Variants in ERCC6 observed in about 807,000 individuals in gnomAD.
ERCC6 encodes the protein DNA excision repair protein ERCC-6.
A neutral mutation model predicts 158.7 loss-of-function variants in ERCC6; 116 were observed. The ratio of observed to expected loss-of-function variants is 0.73; its 90% confidence interval spans 0.63 to 0.85. The LOEUF is 0.85. Ranked by LOEUF, ERCC6 falls within the 40% of genes least tolerant of loss-of-function variation. The pLI is 0.00. For missense variants in ERCC6, 1,698 were observed against 1,799.4 expected (o/e 0.94, Z 1.02); for synonymous variants, 678 against 659.3 (o/e 1.03, Z -0.43).
intron 6 of ERCC6, chr10:49,501,669 G>T (rs763159056): frequency 2.0e-5 from 3 of 152,030 alleles, no homozygotes; most frequent in Non-Finnish European, 4.4e-5. Context: ...ATTAAAAGAT[G>T]ATAGGTTAGA....
chr10:49,435,770 G>A, the ERCC6 span, among the ~76,000 whole-genome samples: 6 of 152,094 alleles, frequency 3.9e-5, no homozygotes, highest in Admixed American at 6.5e-5. Context: ...AGGCTGAGGC[G>A]GGTGGATCAC....
the ERCC6 span, among the ~76,000 whole-genome samples, chr10:49,440,486 G>A: frequency 2.0e-5 from 3 of 152,176 alleles, no homozygotes; most frequent in Non-Finnish European, 4.4e-5. Flanking sequence ...TGGGGGCACA[G>A]CCACACCACA....
At chr10:49,492,263 GC>G (rs1361798750) in intron 8 of ERCC6, among the ~76,000 whole-genome samples, 2 of 152,132 alleles carry the variant, frequency 1.3e-5, no homozygotes, top group Admixed American at 1.3e-4. Context: ...CATAGCCCTT[GC>G]AGCCGGCACT....
chr10:49,488,636 CTCTT>C (rs1395232601), intron 8 of ERCC6, among the ~76,000 whole-genome samples: 6 of 147,000 alleles, frequency 4.1e-5, no homozygotes, highest in African/African-American at 9.9e-5. Flanking sequence ...ATAATGTGGC[CTCTT>C]TCTTTTTTTT....
chr10:49,515,243 T>G, intron 5 of ERCC6: 2 of 1,452,864 alleles, frequency 1.4e-6, no homozygotes, highest in Non-Finnish European at 1.8e-6. Flanking sequence ...TTATGTGACG[T>G]TCCAAAATTG....
At chr10:49,525,150 C>A in intron 4 of ERCC6, 2 of 254,280 alleles carry the variant, frequency 7.9e-6, no homozygotes, top group Non-Finnish European at 7.6e-6. Flanking sequence ...GAAGTTCTCA[C>A]GTCATTGCTA....
downstream of ERCC6, among the ~76,000 whole-genome samples, chr10:49,453,105 C>A (rs890232098): frequency 2.0e-5 from 3 of 151,936 alleles, no homozygotes; most frequent in Non-Finnish European, 4.4e-5. Flanking sequence ...CCATTGTGTT[C>A]TTTTCATTCT....
At chr10:49,460,505 G>T in intron 19 of ERCC6, 54 bp from the exon 20 acceptor site, 1 of 1,194,918 alleles carries the variant, frequency 8.4e-7, no homozygotes, top group Non-Finnish European at 1.2e-6. Flanking sequence ...GAGACTTAGA[G>T]ATCAAAATAT....
chr10:49,477,456 C>A (rs754341082), intron 11 of ERCC6, among the ~76,000 whole-genome samples: 1 of 152,178 alleles, frequency 6.6e-6, no homozygotes, highest in Non-Finnish European at 1.5e-5. Flanking sequence ...CCTCCACTTC[C>A]TCACCTCCAG....
At chr10:49,510,208 C>T (rs1028023465) in intron 5 of ERCC6, among the ~76,000 whole-genome samples, 28 of 152,128 alleles carry the variant, frequency 1.8e-4, no homozygotes, top group African/African-American at 6.8e-4. Context: ...CCAGTTGTAA[C>T]CTATTAGGGT....
intron 20 of ERCC6, among the ~76,000 whole-genome samples, 187 bp from the exon 21 acceptor site, chr10:49,459,421 TGTTAAGAGACC>T (rs946066780): frequency 6.6e-6 from 1 of 151,886 alleles, no homozygotes; most frequent in African/African-American, 2.4e-5. Context: ...ATCCTCCCAC[TGTTAAGAGACC>T]GTTTCCTAAA....
At chr10:49,510,812 G>A (rs1432560358) in intron 5 of ERCC6, among the ~76,000 whole-genome samples, 1 of 152,068 alleles carries the variant, frequency 6.6e-6, no homozygotes, top group African/African-American at 2.4e-5. Flanking sequence ...ATCCAGAAAT[G>A]GGTTCTGGAA....
Position 49,482,712 on chromosome 10 carries a change from C to T in ERCC6, c.2144G>A (p.Gly715Glu). Residue 715 changes from glycine (G) to glutamate (E), a missense_variant, in exon 10 of 21, where the codon GGA becomes GAA. Coordinates refer to ENST00000355832, the MANE Select transcript of ERCC6 (RefSeq NM_000124.4). ...EQFSVPITMGGYSNASPVQVK... is the reference protein window; with the variant it reads ...EQFSVPITMGEYSNASPVQVK... ...CTGTACTGGGGAAGCATTTGAATAT[C>T]CCCCCATGGTGATGGGGACGGAGAA... The T allele has an allele frequency of 6.2e-7, 1 of 1,613,522 alleles. No homozygotes were observed. Among genetic ancestry groups the T allele is most frequent in the Admixed American group, 1.7e-5 (1 of 59,984 alleles).
intron 10 of ERCC6, among the ~76,000 whole-genome samples, chr10:49,479,627 T>C (rs1406637025): frequency 1.3e-5 from 2 of 152,208 alleles, no homozygotes; most frequent in Non-Finnish European, 2.9e-5. Context: ...TTTAAAAACA[T>C]AGTCCCACTG....
At position 49,500,641 on chromosome 10, in the gene ERCC6, C is replaced by T; in HGVS notation, c.1582G>A (p.Gly528Arg). Residue 528 changes from glycine to arginine, a missense_variant, in exon 7 of 21, where the codon GGA (glycine) becomes AGA (arginine). Coordinates refer to ENST00000355832, the MANE Select transcript of ERCC6 (RefSeq NM_000124.4). ...LWELHCQQAGGILGDEMGLGK... is the reference protein window; with the variant it reads ...LWELHCQQAGRILGDEMGLGK... The stretch of plus-strand genomic sequence containing the variant: ...AATCCCATTTCATCTCCCAGAATTC[C>T]TCCTGCCTGCTGGCAGTGCAATTCC... 6.2e-7 allele frequency: 1 copy of T among 1,614,012 alleles called. No homozygotes were observed. The highest frequency in any genetic ancestry group is 1.3e-5 in the African/African-American group (1 of 75,046).
At chr10:49,523,412 G>C (rs543492867) in intron 5 of ERCC6, among the ~76,000 whole-genome samples, 1 of 152,170 alleles carries the variant, frequency 6.6e-6, no homozygotes, top group Non-Finnish European at 1.5e-5. Context: ...ACAATGTCAT[G>C]GAGCTAAAAG....
chr10:49,492,768 G>C (rs1250333023), intron 8 of ERCC6, among the ~76,000 whole-genome samples: 2 of 152,182 alleles, frequency 1.3e-5, no homozygotes, highest in African/African-American at 4.8e-5. Context: ...TCCTAAAACT[G>C]TTTGAAGCCA....
chr10:49,515,871 T>C, intron 5 of ERCC6: 1 of 1,614,204 alleles, frequency 6.2e-7, no homozygotes, highest in Non-Finnish European at 8.5e-7. Flanking sequence ...AACACTGTTA[T>C]CATTCCATCT....
At position 49,470,448 on chromosome 10, in the gene ERCC6, T is replaced by C; in HGVS notation, c.3512A>G (p.Asn1171Ser). Residue 1171 changes from asparagine to serine, a missense_variant, in exon 18 of 21, where the codon AAT becomes AGT. By Grantham distance (46) the Asn-to-Ser change is conservative (BLOSUM62 1). Transcript: ENST00000355832. ...ATAAAAATTATTTTCCATTTGTTTA[T>C]TCTCCCAAAAAGCTTCTGTTTGAGC... ...SQAQTEAFWE[N>S]KQMENNFYKH... 7 of 1,614,134 alleles carry C rather than the reference T, an allele frequency of 4.3e-6. No individual in the cohort carries two copies. Among genetic ancestry groups the C allele is most frequent in the Non-Finnish European group, 5.1e-6 (6 of 1,180,012 alleles).
Sources: gnomAD v4.1 joint callset for allele counts (sites outside exome capture counted in the v4.1 genomes callset) on GRCh38, gnomAD v4.1.1 for gene constraint, MANE v1.5 for transcripts, NCBI Gene and HGNC (gene_info 2026-07-23, HGNC 2026-07-21) for gene names.